Variants in SCAF8 observed in about 807,000 individuals in gnomAD.
SCAF8 encodes the protein SR-related and CTD-associated factor 8.
A neutral mutation model predicts 140.5 loss-of-function variants in SCAF8; 23 were observed. The observed-to-expected ratio is 0.16, with a 90% CI of 0.12 to 0.23. SCAF8 has a LOEUF of 0.23. Ranked by LOEUF, SCAF8 falls within the 10% of genes least tolerant of loss-of-function variation. The pLI is 1.00. For synonymous variants in SCAF8, 575 were observed against 528.9 expected, an observed-to-expected ratio of 1.09 and a Z score of -1.20; for missense variants, 1,397 against 1,555.7, an observed-to-expected ratio of 0.90 and a Z score of 1.72.
At chr6:154,766,968 T>G (rs2114834061) in intron 1 of SCAF8, among the ~76,000 whole-genome samples, 1 of 152,228 alleles carries the variant, frequency 6.6e-6, no homozygotes, top group South Asian at 2.1e-4. Flanking sequence ...ATCTAGAGGC[T>G]GAATTAAGAG....
chr6:154,814,435 C>A (rs1388510977), intron 12 of SCAF8, among the ~76,000 whole-genome samples: 2 of 152,148 alleles, frequency 1.3e-5, no homozygotes, highest in Non-Finnish European at 2.9e-5. Flanking sequence ...AGGGAAAGAA[C>A]AATGACCAGG....
intron 1 of SCAF8, among the ~76,000 whole-genome samples, chr6:154,767,515 G>A (rs1776612910): frequency 1.4e-5 from 2 of 146,250 alleles, no homozygotes; most frequent in Admixed American, 7.0e-5. Flanking sequence ...GGCAGAAGCT[G>A]CTGCTTCTGT....
At chr6:154,752,662 A>G (rs1189725504) in intron 1 of SCAF8, among the ~76,000 whole-genome samples, 1 of 152,190 alleles carries the variant, frequency 6.6e-6, no homozygotes, top group Non-Finnish European at 1.5e-5. Flanking sequence ...CATATATTTC[A>G]AGTTGGGGAA....
chr6:154,744,618 A>G (rs1778651473), intron 1 of SCAF8, among the ~76,000 whole-genome samples: 1 of 152,208 alleles, frequency 6.6e-6, no homozygotes, highest in African/African-American at 2.4e-5. Flanking sequence ...AGCAGGGATT[A>G]GAAGGACCTA....
At chr6:154,791,194 TA>T (rs1777409442) in intron 4 of SCAF8, among the ~76,000 whole-genome samples, 1 of 152,192 alleles carries the variant, frequency 6.6e-6, no homozygotes, top group African/African-American at 2.4e-5. Flanking sequence ...TGTAAAACTT[TA>T]ATACAACCAA....
At chr6:154,752,207 A>G (rs955728140) in intron 1 of SCAF8, among the ~76,000 whole-genome samples, 3 of 152,220 alleles carry the variant, frequency 2.0e-5, no homozygotes, top group African/African-American at 7.2e-5. Flanking sequence ...GTTGCTGTAA[A>G]GTAACATGTG....
intron 17 of SCAF8, 105 bp downstream of exon 17, chr6:154,824,483 A>AC: frequency 1.1e-5 from 11 of 1,027,682 alleles, no homozygotes; most frequent in Non-Finnish European, 1.6e-5. Context: ...AGACCTTAGC[A>AC]TGCATAGCCT....
intron 1 of SCAF8, among the ~76,000 whole-genome samples, chr6:154,767,987 A>T (rs1212449881): frequency 6.6e-6 from 1 of 152,142 alleles, no homozygotes; most frequent in East Asian, 1.9e-4. Flanking sequence ...CTCTAATCAT[A>T]TTAGAGTCTG....
intron 1 of SCAF8, among the ~76,000 whole-genome samples, chr6:154,763,310 TC>T (rs1776459739): frequency 6.6e-6 from 1 of 152,200 alleles, no homozygotes; most frequent in Admixed American, 6.5e-5. Flanking sequence ...GCAGAAACTT[TC>T]ATGAAGTTTC....
intron 1 of SCAF8, among the ~76,000 whole-genome samples, chr6:154,735,867 C>A (rs886361309): frequency 6.6e-6 from 1 of 151,892 alleles, no homozygotes; most frequent in African/African-American, 2.4e-5. Flanking sequence ...CATTCTGTCA[C>A]CCAGGCTGGA....
chr6:154,771,538 C>T (rs980329472), intron 1 of SCAF8, among the ~76,000 whole-genome samples: 8 of 152,084 alleles, frequency 5.3e-5, no homozygotes, highest in East Asian at 1.9e-4. Context: ...GGGAAGGCAT[C>T]GACCATTTTA....
chr6:154,748,277 T>C (rs1343319588), intron 1 of SCAF8, among the ~76,000 whole-genome samples: 1 of 152,190 alleles, frequency 6.6e-6, no homozygotes, highest in Non-Finnish European at 1.5e-5. Context: ...AAAAATATTA[T>C]TCACATACAT....
intron 1 of SCAF8, among the ~76,000 whole-genome samples, chr6:154,769,370 T>G (rs1776672826): frequency 6.6e-6 from 1 of 152,200 alleles, no homozygotes; most frequent in Non-Finnish European, 1.5e-5. Context: ...AGTGCTTGAT[T>G]GAAACTTCCA....
Position 154,798,364 on chromosome 6 carries a change from G to A in SCAF8, c.606+3225G>A, listed in dbSNP as rs192027143. Among the ~76,000 whole-genome samples the A allele has an allele frequency of 1.7e-3, 264 of 151,372 alleles. 8 individuals carry two copies. Among genetic ancestry groups the A allele is most frequent in the Non-Finnish European group, 2.9e-3 (198 of 67,708 alleles). On this transcript the variant is annotated intron_variant, in intron 6 of 19. Coordinates refer to ENST00000367178, the MANE Select transcript of SCAF8 (RefSeq NM_014892.5). ...GAAATGGATGCTAAGGATGAGCTAC[G>A]TAGACAGAGACAATTGAGAGTAAAC...
chr6:154,794,930 A>G (rs1277363217), intron 5 of SCAF8, 79 bp from the exon 6 acceptor site: 1 of 1,342,108 alleles, frequency 7.5e-7, no homozygotes, highest in African/African-American at 1.5e-5. Context: ...AAAAGTAATA[A>G]AACAAGTTAT....
chr6:154,809,512 A>T (rs1245547533), intron 11 of SCAF8, among the ~76,000 whole-genome samples: 1 of 152,222 alleles, frequency 6.6e-6, no homozygotes, highest in East Asian at 1.9e-4. Flanking sequence ...TTCATTTGTC[A>T]TTAGCAGCAT....
chr6:154,753,187 C>T (rs1333217556), intron 1 of SCAF8, among the ~76,000 whole-genome samples: 2 of 151,754 alleles, frequency 1.3e-5, no homozygotes, highest in Non-Finnish European at 2.9e-5. Flanking sequence ...AAATTAAGGC[C>T]CGGTGTGGTG....
At chr6:154,786,391 A>G (rs1460314806) in intron 3 of SCAF8, among the ~76,000 whole-genome samples, 5 of 152,230 alleles carry the variant, frequency 3.3e-5, no homozygotes, top group African/African-American at 9.6e-5. Flanking sequence ...TAGTGATGTT[A>G]TACTCAGGAG....
chr6:154,743,599 G>A (rs538114833), intron 1 of SCAF8, among the ~76,000 whole-genome samples: 1 of 152,290 alleles, frequency 6.6e-6, no homozygotes, highest in South Asian at 2.1e-4. Context: ...GCTTATCAAT[G>A]AAAGATGAAA....
Sources: allele counts gnomAD v4.1 joint callset (sites outside exome capture counted in the v4.1 genomes callset), GRCh38; gene constraint gnomAD v4.1.1; transcripts MANE v1.5; gene names NCBI Gene and HGNC (gene_info 2026-07-23, HGNC 2026-07-21).